ANKRD26: variants seen among roughly 807,000 people sequenced by gnomAD.
ANKRD26 encodes the protein ankyrin repeat domain-containing protein 26.
ANKRD26 carries 141 observed loss-of-function variants against 208.7 expected under a neutral mutation model. The observed-to-expected ratio is 0.68, with a 90% CI of 0.59 to 0.78. The LOEUF is 0.78. Among genes scored for constraint, ANKRD26 ranks in the 30% least tolerant of loss-of-function variants. ANKRD26 has a pLI of 0.00. For synonymous variants in ANKRD26, 636 were observed against 660.4 expected, an observed-to-expected ratio of 0.96 and a Z score of 0.57; for missense variants, 1,889 against 1,938.7, an observed-to-expected ratio of 0.97 and a Z score of 0.48.
At chr10:27,032,635 C>CAAAAAAAA (rs68062291) in intron 25 of ANKRD26, among the ~76,000 whole-genome samples, 4 of 135,924 alleles carry the variant, frequency 2.9e-5, no homozygotes, top group Admixed American at 7.3e-5. Flanking sequence ...GACTCTGTCT[C>CAAAAAAAA]AAAAAAAAAA....
At chr10:27,098,456 A>C (rs1163777278) in intron 1 of ANKRD26, among the ~76,000 whole-genome samples, 1 of 152,204 alleles carries the variant, frequency 6.6e-6, no homozygotes, top group Non-Finnish European at 1.5e-5. Context: ...TTAATAATAA[A>C]TTTTCACTAG....
At chr10:27,058,823 G>A (rs528382548) in intron 15 of ANKRD26, among the ~76,000 whole-genome samples, 4 of 152,066 alleles carry the variant, frequency 2.6e-5, no homozygotes, top group East Asian at 3.9e-4. Flanking sequence ...TGATCTGCCC[G>A]CCTCAGCCTC....
chr10:27,044,332 A>T, intron 18 of ANKRD26, 142 bp from the exon 19 acceptor site: 1 of 738,828 alleles, frequency 1.4e-6, no homozygotes, highest in Non-Finnish European at 2.0e-6. Context: ...TCTTTTTTAC[A>T]GGTAATATAA....
chr10:26,988,283 C>A (rs1017158959), downstream of ANKRD26, among the ~76,000 whole-genome samples: 1 of 152,118 alleles, frequency 6.6e-6, no homozygotes, highest in African/African-American at 2.4e-5. Context: ...ATACTCAGTT[C>A]TTTGATGGAG....
At chr10:26,971,975 C>T (rs980865923), downstream of ANKRD26, among the ~76,000 whole-genome samples, 1 of 152,166 alleles carries the variant, frequency 6.6e-6, no homozygotes, top group East Asian at 1.9e-4. Context: ...GTGGCTCACG[C>T]CTGTAATCCC....
intron 4 of ANKRD26, among the ~76,000 whole-genome samples, chr10:27,091,984 T>TAA (rs3060811): frequency 4.3e-5 from 6 of 139,762 alleles, no homozygotes; most frequent in East Asian, 2.1e-4. Context: ...AGACTCCATG[T>TAA]AAAAAAAAAA....
At chr10:27,012,842 G>C in intron 32 of ANKRD26, 40 bp downstream of exon 32, 1 of 1,570,194 alleles carries the variant, frequency 6.4e-7, no homozygotes, top group Non-Finnish European at 8.8e-7. Context: ...AATTACATGA[G>C]AAATTTGAAA....
chr10:26,948,233 A>G, the ANKRD26 span, among the ~76,000 whole-genome samples: 2 of 152,210 alleles, frequency 1.3e-5, no homozygotes, highest in African/African-American at 4.8e-5. Flanking sequence ...TTTAAAATTG[A>G]CCTTGCCTTT....
At position 27,082,821 on chromosome 10, in the gene ANKRD26, G is replaced by A. The variant is rs780092722; in HGVS notation, c.722C>T (p.Ser241Phe). 3 of 1,590,200 alleles carry A rather than the reference G, an allele frequency of 1.9e-6. No individual in the cohort carries two copies. In the African/African-American group the frequency reaches 4.1e-5, roughly 22 times the overall value. ...ATACTACCTGCTTAAGGAGTCTTCA[G>A]AGCTTTCATCCACTATTAAAGAGAA... ...SQNSNSVDES[S>F]EDSLSRLSGK... The change falls in exon 6 of 34, where the codon TCT becomes TTT. Residue 241 changes from serine (S) to phenylalanine (F), a missense_variant. Coordinates refer to ENST00000376087, the MANE Select transcript of ANKRD26 (RefSeq NM_014915.3).
chr10:27,071,481 C>T (rs1427783264), intron 9 of ANKRD26, among the ~76,000 whole-genome samples: 1 of 151,688 alleles, frequency 6.6e-6, no homozygotes, highest in East Asian at 1.9e-4. Flanking sequence ...GCCGGGACTA[C>T]ATTCATTTCT....
intron 15 of ANKRD26, among the ~76,000 whole-genome samples, chr10:27,054,055 G>C (rs573721519): frequency 2.8e-4 from 42 of 152,000 alleles, no homozygotes; most frequent in South Asian, 6.2e-4. Flanking sequence ...TCCTCGATTA[G>C]AGCTATCTTC....
chr10:27,090,026 A>G (rs1335966906), intron 4 of ANKRD26, among the ~76,000 whole-genome samples: 2 of 152,218 alleles, frequency 1.3e-5, no homozygotes, highest in East Asian at 3.8e-4. Flanking sequence ...ACCACTAACA[A>G]CAGCATATTT....
At chr10:27,099,098 C>T (rs2056562261) in intron 1 of ANKRD26, among the ~76,000 whole-genome samples, 1 of 152,174 alleles carries the variant, frequency 6.6e-6, no homozygotes, top group African/African-American at 2.4e-5. Flanking sequence ...TCAAGCGATT[C>T]TCCTGCCTCA....
In ANKRD26 at chr10:27,100,279, G is replaced by A; in HGVS notation, c.48C>T (p.Phe16=). The A allele has an allele frequency of 6.2e-7, 1 of 1,610,088 alleles. No homozygotes were observed. Among genetic ancestry groups the A allele is most frequent in the Non-Finnish European group, 8.5e-7 (1 of 1,179,258 alleles). The stretch of plus-strand genomic sequence containing the variant: ...CCGCGCTGCTCCTCTGCCGCCGCGC[G>A]AAGGAGCCCAAGGGCGACTCGCCCT... ...SKKGESPLGS[F]ARRQRSSAGG... The change falls in exon 1 of 34, where the codon TTC becomes TTT. Residue 16 remains phenylalanine (F), a synonymous_variant. Coordinates refer to ENST00000376087, the MANE Select transcript of ANKRD26 (RefSeq NM_014915.3).
At position 27,033,433 on chromosome 10, in the gene ANKRD26, A is replaced by T. The variant is rs1183176917; in HGVS notation, c.3655-56T>A. 2.1e-5 allele frequency: 32 copies of T among 1,513,620 alleles called. No individual in the cohort carries two copies. In the Admixed American group the frequency reaches 3.4e-4, roughly 16 times the overall value. The allele number at this position is 1,513,620 out of a possible 1,614,324, so 93.8% of individuals were successfully genotyped here. A position where few individuals can be genotyped will look rare whatever the true frequency, so the allele number is the denominator to read the frequency against. ...AATCACCTTATTATTAAGTTATGTT[A>T]AAAAATAAATTATGTTAATAATATT... On this transcript the variant is annotated intron_variant, in intron 24 of 33. Transcript: ENST00000376087.
intron 15 of ANKRD26, 108 bp downstream of exon 15, chr10:27,060,237 A>T: frequency 8.7e-7 from 1 of 1,147,858 alleles, no homozygotes; most frequent in Non-Finnish European, 1.3e-6. Context: ...CCTTCCAACA[A>T]ATTTGGAGAA....
At chr10:27,063,842 A>G in intron 12 of ANKRD26, 146 bp downstream of exon 12, 1 of 709,858 alleles carries the variant, frequency 1.4e-6, no homozygotes, top group Non-Finnish European at 2.4e-6. Context: ...CACCTAAGAT[A>G]TACAACTTAT....
At chr10:27,085,625 T>C (rs1197696538) in intron 5 of ANKRD26, among the ~76,000 whole-genome samples, 2 of 152,194 alleles carry the variant, frequency 1.3e-5, no homozygotes, top group African/African-American at 2.4e-5. Context: ...TTATTGCCAT[T>C]TGTTTATGGT....
At chr10:26,992,024 A>G (rs1419489301) in intron 5 of ANKRD26, 1 of 152,206 alleles carries the variant, frequency 6.6e-6, no homozygotes, top group African/African-American at 2.4e-5. Context: ...ATAAGCTATC[A>G]ATTTACATTG....
Sources: gnomAD v4.1 joint callset for allele counts (sites outside exome capture counted in the v4.1 genomes callset) on GRCh38, gnomAD v4.1.1 for gene constraint, MANE v1.5 for transcripts, NCBI Gene and HGNC (gene_info 2026-07-23, HGNC 2026-07-21) for gene names.